Variants in DHX32 observed in about 807,000 individuals in gnomAD.
DHX32 encodes DEAH-box helicase 32 (putative).
In DHX32, 51 loss-of-function variants were observed where a neutral mutation model predicts 70.0. The observed-to-expected ratio is 0.73, with a 90% CI of 0.58 to 0.92. The LOEUF (loss-of-function observed/expected upper bound fraction) is 0.92. Among genes scored for constraint, DHX32 ranks in the 40% least tolerant of loss-of-function variants. The pLI, the probability that DHX32 is intolerant of heterozygous loss-of-function variation, is 0.00. For synonymous variants in DHX32, 310 were observed against 315.3 expected, an observed-to-expected ratio of 0.98 and a Z score of 0.18; for missense variants, 762 against 891.8, an observed-to-expected ratio of 0.85 and a Z score of 1.85.
rs1589699621 is a variant in DHX32 at position 125,836,446 on chromosome 10, G to T, written c.*241C>A. ...AAAATACCAGTTTTTTAAAATTTTG[G>T]TCAAATTATGAGTGGTTGATTTAAA... On this transcript the variant is annotated 3_prime_UTR_variant, in exon 11 of 11. Coordinates refer to ENST00000284690, the MANE Select transcript of DHX32 (RefSeq NM_018180.3). 22 of 1,425,304 alleles carry T rather than the reference G, an allele frequency of 1.5e-5. No individual in the cohort carries two copies. The East Asian group carries it at 5.3e-4, about 35-fold the overall frequency. 88.3% of individuals were successfully genotyped at this position (1,425,304 alleles called of 1,614,324 possible).
At chr10:125,847,101 C>T (rs1341211930) in intron 6 of DHX32, among the ~76,000 whole-genome samples, 6 of 151,834 alleles carry the variant, frequency 4.0e-5, no homozygotes, top group African/African-American at 1.5e-4. Flanking sequence ...CAGGGGGAGA[C>T]TCTACACATT....
intron 6 of DHX32, among the ~76,000 whole-genome samples, chr10:125,845,720 C>A (rs1300360415): frequency 1.3e-5 from 2 of 152,240 alleles, no homozygotes; most frequent in East Asian, 3.9e-4. Flanking sequence ...ATTTTCAACT[C>A]CCTGCCCACT....
At chr10:125,874,682 G>T (rs1316564944) in intron 1 of DHX32, among the ~76,000 whole-genome samples, 1 of 152,170 alleles carries the variant, frequency 6.6e-6, no homozygotes, top group Non-Finnish European at 1.5e-5. Flanking sequence ...AGAAGTTATG[G>T]ATATGAAAAC....
intron 1 of DHX32, among the ~76,000 whole-genome samples, chr10:125,879,061 T>C (rs914185443): frequency 3.3e-4 from 48 of 144,942 alleles, no homozygotes; most frequent in Non-Finnish European, 3.5e-4. Context: ...TCTTGCTCTG[T>C]TGCCCAGGCT....
intron 10 of DHX32, 102 bp from the exon 11 acceptor site, chr10:125,836,957 T>C (rs1227913034): frequency 5.3e-6 from 5 of 951,104 alleles, no homozygotes; most frequent in Non-Finnish European, 7.9e-6. Context: ...AATCTACCTG[T>C]AGAACCGGTA....
Position 125,848,485 on chromosome 10 carries a change from G to A in DHX32, c.1351+3808C>T, listed in dbSNP as rs73381245. On this transcript the variant is annotated intron_variant, in intron 6 of 10. Transcript: ENST00000284690. Reference sequence around the variant, plus strand: ...AGCCACATGGCCACCCAGCTGTTTTGTCATATGTAAAGTGAGGTTTTGAAC... The same window carrying A: ...AGCCACATGGCCACCCAGCTGTTTTATCATATGTAAAGTGAGGTTTTGAAC... Among the ~76,000 whole-genome samples the A allele has an allele frequency of 4.8e-3, 731 of 152,290 alleles. 8 individuals carry two copies. Among genetic ancestry groups the A allele is most frequent in the African/African-American group, 0.016 (665 of 41,550 alleles).
chr10:125,844,237 TAAAC>T (rs1854953924), intron 6 of DHX32, among the ~76,000 whole-genome samples: 1 of 152,214 alleles, frequency 6.6e-6, no homozygotes, highest in Non-Finnish European at 1.5e-5. Flanking sequence ...ATAAGCATCT[TAAAC>T]AGAGCAGGAA....
Position 125,867,034 on chromosome 10 carries a change from G to T in DHX32, c.432C>A (p.Tyr144Ter). 3 of 1,614,198 alleles carry T rather than the reference G, an allele frequency of 1.9e-6. No individual in the cohort carries two copies. Among genetic ancestry groups the T allele is most frequent in the Non-Finnish European group, 2.5e-6 (3 of 1,180,026 alleles). Residue 144 changes from tyrosine (Y) to a stop codon, truncating the protein, a stop_gained, in exon 2 of 11, where the codon TAC becomes TAA. Coordinates refer to ENST00000284690, the MANE Select transcript of DHX32 (RefSeq NM_018180.3). LOFTEE classifies it high-confidence loss of function. ...TACAGCAGTTCTCGAAAGGGATCAC[G>T]TAGCCAACCTCATGACCAATGTTAA... is the stretch of plus-strand genomic sequence containing the variant. ...MDVNIGHEVG[Y>*]VIPFENCCTN...
At chr10:125,856,382 C>G (rs1370415547) in intron 3 of DHX32, among the ~76,000 whole-genome samples, 1 of 152,176 alleles carries the variant, frequency 6.6e-6, no homozygotes, top group Non-Finnish European at 1.5e-5. Flanking sequence ...TATCGTAAAT[C>G]TCAATGTATG....
intron 8 of DHX32, 44 bp downstream of exon 8, chr10:125,840,803 A>C: frequency 6.5e-7 from 1 of 1,527,546 alleles, no homozygotes; most frequent in Non-Finnish European, 8.8e-7. Flanking sequence ...TTATCTAGGG[A>C]AAGGAAGGTG....
chr10:125,866,580 G>A lies in DHX32; in HGVS notation c.476+410C>T, dbSNP rs771610844. ...ACTGAGTGACTAGGAGGAACTAGCC[G>A]GGCCCGGACATGCTGAGCACAGGGA... On this transcript the variant is annotated intron_variant, in intron 2 of 10. Transcript: ENST00000284690. The surrounding 1 kb of genome is among the most constrained non-coding windows in gnomAD (Gnocchi z 4.8). Among the ~76,000 whole-genome samples, 33 of 152,172 alleles carry A rather than the reference G, an allele frequency of 2.2e-4. No individual in the cohort carries two copies. The highest frequency in any genetic ancestry group is 4.4e-4 in the Non-Finnish European group (30 of 68,018).
intron 4 of DHX32, chr10:125,853,713 C>A: frequency 4.5e-6 from 2 of 442,870 alleles, no homozygotes; most frequent in Non-Finnish European, 7.9e-6. Flanking sequence ...GTAGTTGAGT[C>A]TTCCCTCAAA....
intron 8 of DHX32, among the ~76,000 whole-genome samples, chr10:125,840,277 C>CA: frequency 6.6e-6 from 1 of 152,352 alleles, no homozygotes; most frequent in Non-Finnish European, 1.5e-5. Context: ...CACTGCCCTT[C>CA]AGGCATACAA....
At position 125,852,569 on chromosome 10, in the gene DHX32, T is replaced by C. The variant is rs1228537363; in HGVS notation, c.1166A>G (p.Lys389Arg). 2 of 1,613,736 alleles carry C rather than the reference T, an allele frequency of 1.2e-6. No homozygotes were observed. Among genetic ancestry groups the C allele is most frequent in the African/African-American group, 1.3e-5 (1 of 74,914 alleles). ...TGAAGAAGATGAGCCAAGAATCTGCTTGCGTATCTCTGCCTGGCTCTGGCT... is the reference window on the plus strand; with the variant it reads ...TGAAGAAGATGAGCCAAGAATCTGCCTGCGTATCTCTGCCTGGCTCTGGCT... ...PISQSQAEIR[K>R]QILGSSSSGK... The change falls in exon 5 of 11, where the codon AAG becomes AGG. Residue 389 changes from lysine to arginine, a missense_variant. Physicochemically the swap from Lys to Arg is conservative, Grantham distance 26. Transcript: ENST00000284690.
intron 1 of DHX32, among the ~76,000 whole-genome samples, chr10:125,867,972 G>A (rs1391171551): frequency 2.0e-5 from 3 of 151,968 alleles, no homozygotes; most frequent in Non-Finnish European, 2.9e-5. Context: ...TCCAAATGAT[G>A]ATAACAAATA....
intron 7 of DHX32, 64 bp from the exon 8 acceptor site, chr10:125,841,060 C>G: frequency 6.5e-7 from 1 of 1,544,216 alleles, no homozygotes. Context: ...GCCTAACATG[C>G]AGAGGGGAGG....
At chr10:125,871,553 G>A (rs1257046844) in intron 1 of DHX32, among the ~76,000 whole-genome samples, 1 of 152,126 alleles carries the variant, frequency 6.6e-6, no homozygotes, top group Non-Finnish European at 1.5e-5. Context: ...AACTGAAAAG[G>A]TTATCTCCAG....
intron 2 of DHX32, among the ~76,000 whole-genome samples, chr10:125,861,528 G>T (rs1181784112): frequency 6.6e-6 from 1 of 152,142 alleles, no homozygotes; most frequent in Non-Finnish European, 1.5e-5. Flanking sequence ...TGAACCATTT[G>T]TACAGGCAAT....
At chr10:125,860,729 T>C (rs1303075471) in intron 2 of DHX32, among the ~76,000 whole-genome samples, 1 of 151,408 alleles carries the variant, frequency 6.6e-6, no homozygotes, top group Non-Finnish European at 1.5e-5. Flanking sequence ...TTACCTGTAT[T>C]ACTGCTTGAA....
Sources: allele counts gnomAD v4.1 joint callset (sites outside exome capture counted in the v4.1 genomes callset), GRCh38; gene constraint gnomAD v4.1.1; non-coding constraint Gnocchi (gnomAD v3.1); transcripts MANE v1.5; gene names NCBI Gene and HGNC (gene_info 2026-07-23, HGNC 2026-07-21).